TLK1: variants seen among roughly 807,000 people sequenced by gnomAD.
TLK1 encodes the protein serine/threonine-protein kinase tousled-like 1.
TLK1 carries 24 observed loss-of-function variants against 105.3 expected under a neutral mutation model. The ratio of observed to expected loss-of-function variants is 0.23; its 90% CI spans 0.17 to 0.32. TLK1 has a LOEUF of 0.32. Among genes scored for constraint, TLK1 ranks in the 10% least tolerant of loss-of-function variants. TLK1 has a pLI of 1.00. For missense variants in TLK1, 558 were observed against 910.5 expected (o/e 0.61, Z 4.98); for synonymous variants, 321 against 310.4 (o/e 1.03, Z -0.36).
intron 1 of TLK1, among the ~76,000 whole-genome samples, chr2:171,214,622 A>G (rs1427253429): frequency 6.6e-6 from 1 of 152,182 alleles, no homozygotes. Context: ...TTAAGTCTGC[A>G]GTGAGGCTGA....
At chr2:171,194,298 G>T (rs952531135) in intron 1 of TLK1, among the ~76,000 whole-genome samples, 6 of 152,164 alleles carry the variant, frequency 3.9e-5, no homozygotes, top group African/African-American at 1.2e-4. Context: ...AGTCTTCAAT[G>T]GGGCCTGTAA....
intron 5 of TLK1, 44 bp downstream of exon 5, chr2:171,058,107 A>G: frequency 3.1e-6 from 5 of 1,597,032 alleles, no homozygotes; most frequent in Non-Finnish European, 4.3e-6. Context: ...TCACAGCAGA[A>G]TAGTACTGAA....
chr2:171,226,893 AT>A (rs1310418250), intron 1 of TLK1, among the ~76,000 whole-genome samples: 2 of 152,186 alleles, frequency 1.3e-5, no homozygotes, highest in Non-Finnish European at 2.9e-5. Flanking sequence ...AGTTGGCCTC[AT>A]TTTTGTCATC....
At chr2:171,114,710 C>G (rs1690332149) in intron 2 of TLK1, among the ~76,000 whole-genome samples, 1 of 152,128 alleles carries the variant, frequency 6.6e-6, no homozygotes, top group South Asian at 2.1e-4. Flanking sequence ...TGGCACGCAC[C>G]TGTACTGCCA....
intron 12 of TLK1, among the ~76,000 whole-genome samples, chr2:171,015,642 C>T (rs2105374272): frequency 7.0e-6 from 1 of 143,426 alleles, no homozygotes; most frequent in African/African-American, 2.6e-5. Context: ...GACTAGCCAC[C>T]AAAACAAGTA....
intron 11 of TLK1, among the ~76,000 whole-genome samples, chr2:171,034,186 A>G (rs1686202972): frequency 1.3e-5 from 2 of 152,230 alleles, no homozygotes; most frequent in Admixed American, 1.3e-4. Context: ...AAAACGGTGC[A>G]GAATGGAAAA....
chr2:171,169,064 TG>T (rs1278708097), intron 1 of TLK1, among the ~76,000 whole-genome samples: 1 of 151,166 alleles, frequency 6.6e-6, no homozygotes, highest in African/African-American at 2.4e-5. Flanking sequence ...GGCAACAGAG[TG>T]AGACCCTTTC....
intron 1 of TLK1, among the ~76,000 whole-genome samples, chr2:171,147,533 C>T (rs1287212667): frequency 6.6e-6 from 1 of 152,188 alleles, no homozygotes; most frequent in Non-Finnish European, 1.5e-5. Context: ...TGCTCCACTG[C>T]ACCTGGCTTA....
At chr2:171,066,847 C>G in intron 3 of TLK1, 1 of 1,551,232 alleles carries the variant, frequency 6.4e-7, no homozygotes, top group Non-Finnish European at 8.7e-7. Flanking sequence ...ATTACCTTGC[C>G]AGTAGTTTTC....
At position 171,210,360 on chromosome 2, in the gene TLK1, C is replaced by A. The variant is rs1330392995; in HGVS notation, c.-6+20785G>T. Among the ~76,000 whole-genome samples, 3 of 151,744 alleles carry A rather than the reference C, an allele frequency of 2.0e-5. No individual in the cohort carries two copies. In the East Asian group the frequency reaches 5.8e-4, roughly 29 times the overall value. On this transcript the variant is annotated intron_variant, in intron 1 of 20. Coordinates refer to the TLK1 transcript ENST00000521943. ...CTATAGGAGAGAATGAACTCCTGGG[C>A]TCAAGCAATCCTCCTGAGTAGCTGG...
At chr2:171,020,014 C>A (rs763110503) in intron 12 of TLK1, among the ~76,000 whole-genome samples, 3 of 149,874 alleles carry the variant, frequency 2.0e-5, no homozygotes, top group Admixed American at 6.7e-5. Context: ...GCCAAGATCA[C>A]ACTACTGCAC....
At chr2:171,062,658 C>T (rs960183529) in intron 3 of TLK1, among the ~76,000 whole-genome samples, 7 of 152,124 alleles carry the variant, frequency 4.6e-5, no homozygotes, top group African/African-American at 9.7e-5. Context: ...GGTAACACTA[C>T]CAGTGTGGCA....
Position 171,073,882 on chromosome 2 carries a change from C to CGT in TLK1, c.330+8898_330+8899insAC, listed in dbSNP as rs772186492. On this transcript the variant is annotated intron_variant, in intron 3 of 20. Coordinates refer to ENST00000431350, the MANE Select transcript of TLK1 (RefSeq NM_012290.5). ...GAATAAACTTAACATTCCCCCCCCC[C>CGT]CTCCTTTTTTTTTCTTTCTTTTTTT... Among the ~76,000 whole-genome samples, 4 of 29,224 alleles carry CGT rather than the reference C, an allele frequency of 1.4e-4. No homozygotes were observed. In the South Asian group the frequency reaches 0.021, roughly 150 times the overall value. The allele number at this position is 29,224 out of a possible 152,430, so 19.2% of individuals were successfully genotyped here. A position where few individuals can be genotyped will look rare whatever the true frequency, so the allele number is the denominator to read the frequency against.
At chr2:171,225,807 A>G (rs1693886941) in intron 1 of TLK1, among the ~76,000 whole-genome samples, 1 of 152,152 alleles carries the variant, frequency 6.6e-6, no homozygotes, top group Non-Finnish European at 1.5e-5. Flanking sequence ...TTCTGAAACA[A>G]TCTTTCCCTG....
chr2:171,016,198 G>GTTCAC (rs1397342216), intron 12 of TLK1, among the ~76,000 whole-genome samples: 1 of 152,202 alleles, frequency 6.6e-6, no homozygotes, highest in Non-Finnish European at 1.5e-5. Flanking sequence ...CTGGAGCGCA[G>GTTCAC]TGGCATGATC....
chr2:171,210,940 C>A (rs1693602198), intron 1 of TLK1, among the ~76,000 whole-genome samples: 1 of 152,156 alleles, frequency 6.6e-6, no homozygotes, highest in South Asian at 2.1e-4. Flanking sequence ...GTAACTTCAG[C>A]CAGCAGGTAT....
At chr2:171,148,383 T>C (rs930943371) in intron 1 of TLK1, among the ~76,000 whole-genome samples, 19 of 152,056 alleles carry the variant, frequency 1.2e-4, no homozygotes, top group African/African-American at 4.3e-4. Context: ...TGGGTTGACA[T>C]CCTTTTTTCA....
intron 3 of TLK1, among the ~76,000 whole-genome samples, chr2:171,081,116 G>GT (rs1433243967): frequency 6.6e-6 from 1 of 152,166 alleles, no homozygotes; most frequent in African/African-American, 2.4e-5. Flanking sequence ...TCAAATGCCA[G>GT]TATGGTCTTT....
upstream of TLK1, chr2:171,160,992 C>T: frequency 1.5e-5 from 2 of 131,796 alleles, no homozygotes; most frequent in Non-Finnish European, 2.8e-5. The surrounding 1 kb of genome is among the most constrained non-coding windows in gnomAD (Gnocchi z 4.4). Context: ...GCGGCGGCAG[C>T]GGCGGCCGCG....
Sources: allele counts gnomAD v4.1 joint callset (sites outside exome capture counted in the v4.1 genomes callset), GRCh38; gene constraint gnomAD v4.1.1; non-coding constraint Gnocchi (gnomAD v3.1); transcripts MANE v1.5; gene names NCBI Gene and HGNC (gene_info 2026-07-23, HGNC 2026-07-21).